Variants in ATG7 observed in about 807,000 individuals in gnomAD.
ATG7 encodes ubiquitin-like modifier-activating enzyme ATG7.
In ATG7, 70 loss-of-function variants were observed where a neutral mutation model predicts 82.4. The observed-to-expected ratio is 0.85, with a 90% CI of 0.70 to 1.04. ATG7 has a LOEUF of 1.04. Among genes scored for constraint, ATG7 ranks in the 50% least tolerant of loss-of-function variants. The pLI is 0.00. For synonymous variants in ATG7, 287 were observed against 313.0 expected, an observed-to-expected ratio of 0.92 and a Z score of 0.88; for missense variants, 792 against 864.3, an observed-to-expected ratio of 0.92 and a Z score of 1.05.
intron 9 of ATG7, among the ~76,000 whole-genome samples, chr3:11,321,154 G>A (rs1176269069): frequency 6.6e-6 from 1 of 152,224 alleles, no homozygotes; most frequent in African/African-American, 2.4e-5. Context: ...TGCGTCTAAT[G>A]TCAGAGACGC....
chr3:11,325,726 TAAGTA>T (rs1302268415), intron 9 of ATG7, among the ~76,000 whole-genome samples: 1 of 152,116 alleles, frequency 6.6e-6, no homozygotes, highest in East Asian at 1.9e-4. Flanking sequence ...ATAGAGAAGT[TAAGTA>T]AATTGCTAAA....
At position 11,549,629 on chromosome 3, in the gene ATG7, C is replaced by CT. The variant is rs2071593684; in HGVS notation, c.2080-5181dup. ...ACTGTACGGATACACCACAATTTCT[C>CT]TGCTTTCCCGTTGATGATCATTTGT... On this transcript the variant is annotated intron_variant, in intron 20 of 20. Transcript: ENST00000693202. Among the ~76,000 whole-genome samples, 2 of 152,206 alleles carry CT rather than the reference C, an allele frequency of 1.3e-5. 1 individual carries two copies. Among genetic ancestry groups the CT allele is most frequent in the South Asian group, 4.1e-4 (2 of 4,824 alleles).
chr3:11,401,857 G>C (rs554635067), intron 19 of ATG7, among the ~76,000 whole-genome samples: 3 of 152,196 alleles, frequency 2.0e-5, no homozygotes, highest in Admixed American at 2.0e-4. Context: ...AGGATTAATA[G>C]CTGTTTAACC....
intron 13 of ATG7, among the ~76,000 whole-genome samples, chr3:11,342,511 C>T (rs17034318): frequency 0.019 from 2,946 of 152,120 alleles, 96 homozygotes; most frequent in East Asian, 0.065. Flanking sequence ...ATTAAGCAGA[C>T]TTTGTAGATT....
chr3:11,280,068 A>G, intron 1 of ATG7, among the ~76,000 whole-genome samples: 1 of 149,972 alleles, frequency 6.7e-6, no homozygotes. Flanking sequence ...TTTTTTTGAG[A>G]CAGAGTCTTG....
At chr3:11,434,851 T>C (rs747018594) in intron 20 of ATG7, among the ~76,000 whole-genome samples, 2 of 152,182 alleles carry the variant, frequency 1.3e-5, no homozygotes, top group Non-Finnish European at 2.9e-5. Context: ...ACAGCTAATA[T>C]TAGGAAACAG....
intron 19 of ATG7, among the ~76,000 whole-genome samples, chr3:11,415,431 A>T (rs2081287440): frequency 6.6e-6 from 1 of 152,200 alleles, no homozygotes; most frequent in Non-Finnish European, 1.5e-5. Context: ...TCACTTTATA[A>T]ATGTTTTGAT....
At chr3:11,305,910 C>T (rs1051083283) in intron 5 of ATG7, among the ~76,000 whole-genome samples, 3 of 152,194 alleles carry the variant, frequency 2.0e-5, no homozygotes, top group African/African-American at 7.2e-5. Flanking sequence ...ATGCAGCTGT[C>T]ATCAGTGCAG....
At chr3:11,347,344 T>A (rs1954707691) in intron 13 of ATG7, among the ~76,000 whole-genome samples, 1 of 152,254 alleles carries the variant, frequency 6.6e-6, no homozygotes, top group Non-Finnish European at 1.5e-5. Context: ...ATAGACTTGT[T>A]CCCTAAATTC....
chr3:11,406,914 G>A (rs891773277), intron 19 of ATG7, among the ~76,000 whole-genome samples: 3 of 152,124 alleles, frequency 2.0e-5, no homozygotes, highest in Non-Finnish European at 4.4e-5. Flanking sequence ...TGGGGACACA[G>A]AGCCAAACCA....
intron 20 of ATG7, among the ~76,000 whole-genome samples, chr3:11,480,286 G>T (rs2088787012): frequency 6.6e-6 from 1 of 152,104 alleles, no homozygotes; most frequent in Non-Finnish European, 1.5e-5. Flanking sequence ...TGTAATGCCA[G>T]CACTTTGGGA....
At chr3:11,377,658 CAT>C (rs1267598353) in intron 18 of ATG7, among the ~76,000 whole-genome samples, 3 of 152,154 alleles carry the variant, frequency 2.0e-5, no homozygotes, top group African/African-American at 7.2e-5. Flanking sequence ...TAGATGGACA[CAT>C]GACTTGTAGG....
intron 19 of ATG7, among the ~76,000 whole-genome samples, chr3:11,381,192 T>G (rs1488769074): frequency 6.6e-6 from 1 of 152,248 alleles, no homozygotes; most frequent in Non-Finnish European, 1.5e-5. Context: ...TTCTGTAGTT[T>G]CCTTTAAGAT....
At chr3:11,454,189 G>A (rs1322252365) in intron 20 of ATG7, among the ~76,000 whole-genome samples, 3 of 152,072 alleles carry the variant, frequency 2.0e-5, no homozygotes, top group African/African-American at 7.2e-5. Context: ...ACTCTAATGG[G>A]TACCTTGATT....
intron 3 of ATG7, among the ~76,000 whole-genome samples, chr3:11,296,755 C>T (rs1945988028): frequency 6.6e-6 from 1 of 152,204 alleles, no homozygotes. Flanking sequence ...CTCTGCTCTT[C>T]TTGTTCCTTC....
chr3:11,387,673 T>A (rs1053953249), intron 19 of ATG7, among the ~76,000 whole-genome samples: 2 of 152,144 alleles, frequency 1.3e-5, no homozygotes. Flanking sequence ...ACTGTTCCCC[T>A]TAAAAATGCA....
chr3:11,563,130 G>A, the ATG7 span, among the ~76,000 whole-genome samples: 1 of 152,208 alleles, frequency 6.6e-6, no homozygotes, highest in Non-Finnish European at 1.5e-5. Context: ...CCCGCCAAGG[G>A]CCCACCCTGA....
intron 20 of ATG7, among the ~76,000 whole-genome samples, chr3:11,546,845 C>T (rs575785281): frequency 4.6e-5 from 7 of 152,340 alleles, no homozygotes; most frequent in African/African-American, 1.7e-4. Flanking sequence ...CGCTGAGGTG[C>T]TCAGGTCAGG....
chr3:11,486,653 A>G (rs1255874220), intron 20 of ATG7, among the ~76,000 whole-genome samples: 1 of 152,112 alleles, frequency 6.6e-6, no homozygotes, highest in Non-Finnish European at 1.5e-5. Flanking sequence ...TTGCCCATTC[A>G]GTATGATATT....
Sources: gnomAD v4.1 joint callset for allele counts (sites outside exome capture counted in the v4.1 genomes callset) on GRCh38, gnomAD v4.1.1 for gene constraint, MANE v1.5 for transcripts, NCBI Gene and HGNC (gene_info 2026-07-23, HGNC 2026-07-21) for gene names.